NRG3: variants seen among roughly 807,000 people sequenced by gnomAD.
NRG3 encodes the protein neuregulin 3, also known as pro-neuregulin-3, membrane-bound isoform.
A neutral mutation model predicts 66.9 loss-of-function variants in NRG3; 31 were observed. The ratio of observed to expected loss-of-function variants is 0.46; its 90% confidence interval spans 0.35 to 0.63. The LOEUF is 0.63. Among genes scored for constraint, NRG3 ranks in the 20% least tolerant of loss-of-function variants. NRG3 has a pLI of 0.00. For synonymous variants in NRG3, 393 were observed against 359.4 expected (o/e 1.09, Z -1.06); for missense variants, 910 against 878.9 (o/e 1.04, Z -0.45).
chr10:81,884,446 A>G (rs1278507628), intron 1 of NRG3, among the ~76,000 whole-genome samples: 1 of 152,186 alleles, frequency 6.6e-6, no homozygotes, highest in East Asian at 1.9e-4. Flanking sequence ...TTTTGTTGAT[A>G]TGTAATTGAT....
intron 2 of NRG3, among the ~76,000 whole-genome samples, chr10:82,731,577 G>T (rs899665170): frequency 4.6e-5 from 7 of 151,570 alleles, no homozygotes; most frequent in African/African-American, 1.7e-4. Flanking sequence ...TTTCATTCAT[G>T]TTGTCACAAA....
At chr10:82,595,105 TC>T (rs1261727587) in intron 2 of NRG3, among the ~76,000 whole-genome samples, 1 of 152,024 alleles carries the variant, frequency 6.6e-6, no homozygotes, top group Non-Finnish European at 1.5e-5. Context: ...CCAGATTTGA[TC>T]CACCATGCCC....
chr10:82,981,858 G>C (rs929348436), intron 8 of NRG3, among the ~76,000 whole-genome samples: 3 of 152,094 alleles, frequency 2.0e-5, no homozygotes, highest in Non-Finnish European at 4.4e-5. Flanking sequence ...AATCACAAAA[G>C]TTAGATTCAC....
intron 1 of NRG3, among the ~76,000 whole-genome samples, chr10:82,000,706 A>G (rs1396492483): frequency 6.6e-6 from 1 of 152,214 alleles, no homozygotes; most frequent in Non-Finnish European, 1.5e-5. Flanking sequence ...TCCAAAATGA[A>G]TATATTAACT....
chr10:82,149,672 G>A (rs1274802451), intron 1 of NRG3, among the ~76,000 whole-genome samples: 4 of 151,288 alleles, frequency 2.6e-5, no homozygotes, highest in Non-Finnish European at 5.9e-5. Flanking sequence ...GATATTAACA[G>A]GCTTGTAGTG....
intron 2 of NRG3, among the ~76,000 whole-genome samples, chr10:82,484,132 C>T (rs1372120695): frequency 6.6e-6 from 1 of 152,176 alleles, no homozygotes; most frequent in Admixed American, 6.5e-5. Flanking sequence ...CATACCTGCC[C>T]ATTCCCACCT....
intron 1 of NRG3, among the ~76,000 whole-genome samples, chr10:82,030,170 G>T (rs2062497489): frequency 6.6e-6 from 1 of 152,036 alleles, no homozygotes; most frequent in African/African-American, 2.4e-5. Context: ...CATAAACAAT[G>T]ACACCTTTGG....
intron 2 of NRG3, among the ~76,000 whole-genome samples, chr10:82,395,775 A>G (rs2136001409): frequency 6.6e-6 from 1 of 152,286 alleles, no homozygotes; most frequent in African/African-American, 2.4e-5. Flanking sequence ...TCATGTGGGA[A>G]TGTAAACATG....
chr10:82,794,382 G>C (rs1043626531), intron 3 of NRG3, among the ~76,000 whole-genome samples: 1 of 152,124 alleles, frequency 6.6e-6, no homozygotes, highest in Non-Finnish European at 1.5e-5. Flanking sequence ...GGTGTTAATT[G>C]ATCCAGTAGA....
At chr10:82,105,492 G>A (rs2067004456) in intron 1 of NRG3, among the ~76,000 whole-genome samples, 1 of 152,138 alleles carries the variant, frequency 6.6e-6, no homozygotes, top group Non-Finnish European at 1.5e-5. Flanking sequence ...TGGCATTGCA[G>A]CATTAATATA....
At chr10:81,883,439 A>T (rs1335532795) in intron 1 of NRG3, among the ~76,000 whole-genome samples, 2 of 152,196 alleles carry the variant, frequency 1.3e-5, no homozygotes, top group Non-Finnish European at 2.9e-5. Flanking sequence ...ATCAGTCAGA[A>T]GCAAACCTAC....
At chr10:82,152,667 A>G (rs1375404348) in intron 1 of NRG3, among the ~76,000 whole-genome samples, 2 of 151,766 alleles carry the variant, frequency 1.3e-5, no homozygotes, top group East Asian at 2.0e-4. Flanking sequence ...AATAATTCCC[A>G]TCTCACAATT....
chr10:82,095,864 T>C (rs1300943457), intron 1 of NRG3, among the ~76,000 whole-genome samples: 1 of 152,172 alleles, frequency 6.6e-6, no homozygotes, highest in Non-Finnish European at 1.5e-5. Context: ...CATGAATGAA[T>C]TGACAGTAAA....
At chr10:81,924,984 G>A (rs147536160) in intron 1 of NRG3, among the ~76,000 whole-genome samples, 79 of 152,272 alleles carry the variant, frequency 5.2e-4, no homozygotes, top group African/African-American at 1.8e-3. Context: ...CTTTTAGATT[G>A]TCAAGCTTCC....
At chr10:82,215,461 A>C (rs540656716) in intron 1 of NRG3, among the ~76,000 whole-genome samples, 1 of 152,166 alleles carries the variant, frequency 6.6e-6, no homozygotes, top group African/African-American at 2.4e-5. Flanking sequence ...TTTATTTTTC[A>C]TCAGAAATGA....
intron 2 of NRG3, among the ~76,000 whole-genome samples, chr10:82,699,538 A>G (rs777780474): frequency 2.6e-5 from 4 of 151,894 alleles, no homozygotes; most frequent in Non-Finnish European, 5.9e-5. Context: ...TCCCTTCTAA[A>G]CTATTGGCCA....
At chr10:82,089,491 G>A (rs1471945399) in intron 1 of NRG3, among the ~76,000 whole-genome samples, 1 of 152,140 alleles carries the variant, frequency 6.6e-6, no homozygotes, top group Non-Finnish European at 1.5e-5. Context: ...GAGCCAGAGA[G>A]GAGAAAGCAG....
intron 2 of NRG3, among the ~76,000 whole-genome samples, chr10:82,639,928 C>T (rs1363232829): frequency 6.6e-6 from 1 of 152,136 alleles, no homozygotes; most frequent in Non-Finnish European, 1.5e-5. Context: ...TCCCACCCTC[C>T]ACCCTCCAAT....
At chr10:82,544,836 TATG>T (rs1418469607) in intron 2 of NRG3, among the ~76,000 whole-genome samples, 1 of 152,220 alleles carries the variant, frequency 6.6e-6, no homozygotes, top group Non-Finnish European at 1.5e-5. Flanking sequence ...GCATATATAC[TATG>T]ATAAAGTAAA....
Sources: allele counts gnomAD v4.1 joint callset (sites outside exome capture counted in the v4.1 genomes callset), GRCh38; gene constraint gnomAD v4.1.1; transcripts MANE v1.5; gene names NCBI Gene and HGNC (gene_info 2026-07-23, HGNC 2026-07-21).